PRELID2: variants seen among roughly 807,000 people sequenced by gnomAD.
The protein encoded by PRELID2 is PRELI domain containing 2.
PRELID2 carries 25 observed loss-of-function variants against 28.4 expected under a neutral mutation model. The ratio of observed to expected loss-of-function variants is 0.88; its 90% confidence interval spans 0.64 to 1.23. The LOEUF is 1.23. PRELID2 is among the 50% of genes most tolerant of loss of function. PRELID2 has a pLI of 0.00. For synonymous variants in PRELID2, 76 were observed against 71.6 expected (o/e 1.06, Z -0.31); for missense variants, 201 against 214.4 (o/e 0.94, Z 0.39).
chr5:145,370,654 G>A, the PRELID2 span, among the ~76,000 whole-genome samples: 14 of 152,142 alleles, frequency 9.2e-5, no homozygotes, highest in South Asian at 2.1e-4. Flanking sequence ...CTAATTCTGC[G>A]AAGAATGTCT....
the PRELID2 span, among the ~76,000 whole-genome samples, chr5:145,306,331 G>GT: frequency 1.3e-5 from 2 of 152,078 alleles, no homozygotes; most frequent in African/African-American, 2.4e-5. Flanking sequence ...CTTCAGAATA[G>GT]TTTTTTTAAT....
chr5:145,575,917 C>T (rs901519231), intron 1 of PRELID2, among the ~76,000 whole-genome samples: 13 of 152,110 alleles, frequency 8.5e-5, no homozygotes, highest in Non-Finnish European at 1.6e-4. Flanking sequence ...TCCTTCTATG[C>T]TCCACAGACC....
chr5:145,702,084 CAT>C (rs571336179), intron 1 of PRELID2, among the ~76,000 whole-genome samples: 5 of 151,566 alleles, frequency 3.3e-5, no homozygotes, highest in African/African-American at 1.2e-4. Context: ...CACACACACA[CAT>C]ATATATATAT....
chr5:145,547,128 C>T (rs1752794555), intron 1 of PRELID2, among the ~76,000 whole-genome samples: 2 of 152,192 alleles, frequency 1.3e-5, no homozygotes, highest in African/African-American at 4.8e-5. Context: ...GCTCTAGGTT[C>T]TCAAAATTTG....
At chr5:145,488,684 G>T (rs1472398417) in intron 1 of PRELID2, among the ~76,000 whole-genome samples, 1 of 152,180 alleles carries the variant, frequency 6.6e-6, no homozygotes, top group East Asian at 1.9e-4. Flanking sequence ...TGTGTAATCT[G>T]CTTGGTGGGT....
At chr5:145,669,154 C>T (rs1020494378) in intron 1 of PRELID2, among the ~76,000 whole-genome samples, 3 of 151,968 alleles carry the variant, frequency 2.0e-5, no homozygotes, top group Admixed American at 6.6e-5. Context: ...CTAATTGGGC[C>T]GCATGGAGGC....
At chr5:145,826,208 G>A in intron 1 of PRELID2, 1 of 981,350 alleles carries the variant, frequency 1.0e-6, no homozygotes, top group Non-Finnish European at 1.2e-6. Context: ...AACCTATCAA[G>A]TATTAATATA....
the PRELID2 span, among the ~76,000 whole-genome samples, chr5:145,378,206 G>A: frequency 1.3e-5 from 2 of 152,076 alleles, no homozygotes; most frequent in Admixed American, 6.6e-5. Context: ...TTTCTTTCTA[G>A]CTGCCTTTAA....
chr5:145,364,208 G>T, the PRELID2 span, among the ~76,000 whole-genome samples: 1 of 151,896 alleles, frequency 6.6e-6, no homozygotes, highest in African/African-American at 2.4e-5. Flanking sequence ...ACAGAGAGAA[G>T]TATTCTGTCG....
At chr5:145,414,941 A>C in the PRELID2 span, among the ~76,000 whole-genome samples, 1 of 152,202 alleles carries the variant, frequency 6.6e-6, no homozygotes, top group Non-Finnish European at 1.5e-5. Context: ...TCTAGGCTGC[A>C]GTGAGAAAAA....
chr5:145,802,767 C>T (rs903109814), intron 4 of PRELID2, among the ~76,000 whole-genome samples: 19 of 152,132 alleles, frequency 1.2e-4, no homozygotes, highest in African/African-American at 4.3e-4. Flanking sequence ...ACAGAGAAAG[C>T]ACAACTCAAA....
chr5:145,445,347 C>A, the PRELID2 span, among the ~76,000 whole-genome samples: 1 of 151,966 alleles, frequency 6.6e-6, no homozygotes, highest in Non-Finnish European at 1.5e-5. Flanking sequence ...TAAAACTATA[C>A]CCCCACTTCT....
chr5:145,288,500 T>A, the PRELID2 span, among the ~76,000 whole-genome samples: 1 of 152,128 alleles, frequency 6.6e-6, no homozygotes, highest in Non-Finnish European at 1.5e-5. Flanking sequence ...TCATCTTGTA[T>A]ATTTTCTGCC....
chr5:145,284,216 A>G, the PRELID2 span, among the ~76,000 whole-genome samples: 1 of 152,242 alleles, frequency 6.6e-6, no homozygotes, highest in East Asian at 1.9e-4. Context: ...TGCTAATGCT[A>G]TAAAATTATC....
the PRELID2 span, among the ~76,000 whole-genome samples, chr5:145,345,746 T>C: frequency 1.3e-5 from 2 of 152,040 alleles, no homozygotes; most frequent in Non-Finnish European, 1.5e-5. Context: ...TATTAGAGTA[T>C]TTGACTTGTG....
the PRELID2 span, among the ~76,000 whole-genome samples, chr5:145,399,218 A>C: frequency 6.6e-6 from 1 of 152,134 alleles, no homozygotes; most frequent in Non-Finnish European, 1.5e-5. Context: ...TGGAGCCCTC[A>C]CTATGAGTTT....
chr5:145,826,273 A>C (rs1451000530), intron 1 of PRELID2: 1 of 701,876 alleles, frequency 1.4e-6, no homozygotes, highest in Non-Finnish European at 1.7e-6. Context: ...AAGCAGGTTC[A>C]CATGGGATTC....
the PRELID2 span, among the ~76,000 whole-genome samples, chr5:145,422,804 T>A: frequency 6.6e-6 from 1 of 152,110 alleles, no homozygotes; most frequent in African/African-American, 2.4e-5. Flanking sequence ...ATTTTGCTCA[T>A]TGGTTGATGC....
chr5:145,638,532 A>AG (rs1754042662), intron 1 of PRELID2, among the ~76,000 whole-genome samples: 1 of 152,236 alleles, frequency 6.6e-6, no homozygotes, highest in Admixed American at 6.5e-5. Context: ...AAGTACTAGA[A>AG]GAGCATAAGC....
Sources: gnomAD v4.1 joint callset for allele counts (sites outside exome capture counted in the v4.1 genomes callset) on GRCh38, gnomAD v4.1.1 for gene constraint, MANE v1.5 for transcripts, NCBI Gene and HGNC (gene_info 2026-07-23, HGNC 2026-07-21) for gene names.